CNTN5: variants seen among roughly 807,000 people sequenced by gnomAD.
The protein encoded by CNTN5 is contactin 5, also known as contactin-5.
A neutral mutation model predicts 129.1 loss-of-function variants in CNTN5; 77 were observed. The ratio of observed to expected loss-of-function variants is 0.60; its 90% CI spans 0.50 to 0.72. CNTN5 has a LOEUF of 0.72. Among genes scored for constraint, CNTN5 ranks in the 30% least tolerant of loss-of-function variants. The probability of loss-of-function intolerance (pLI) is 0.00; values close to 1 mark genes in which losing one functional copy is unlikely to be tolerated. For synonymous variants in CNTN5, 509 were observed against 465.6 expected (o/e 1.09, Z -1.20); for missense variants, 1,478 against 1,328.8 (o/e 1.11, Z -1.75).
At chr11:100,054,168 A>T (rs146788478) in intron 9 of CNTN5, among the ~76,000 whole-genome samples, 1 of 151,680 alleles carries the variant, frequency 6.6e-6, no homozygotes, top group South Asian at 2.1e-4. Flanking sequence ...CAAGAGTGAG[A>T]GCAGCACAAA....
chr11:99,461,747 T>G (rs1944706970), intron 2 of CNTN5, among the ~76,000 whole-genome samples: 1 of 152,146 alleles, frequency 6.6e-6, no homozygotes, highest in Non-Finnish European at 1.5e-5. Context: ...TATAAACTCT[T>G]TTCCATGTCT....
rs1409447710 is a variant in CNTN5 at position 99,312,457 on chromosome 11, A to G, written c.-209-12889A>G. Among the ~76,000 whole-genome samples the G allele has an allele frequency of 8.5e-5, 13 of 152,178 alleles. No homozygotes were observed. The South Asian group carries it at 2.5e-3, about 29-fold the overall frequency. On this transcript the variant is annotated intron_variant, in intron 1 of 24. Coordinates refer to ENST00000524871, the MANE Select transcript of CNTN5 (RefSeq NM_014361.4). ...ATATTCAATAATAGTGTTTTACACAATGCATGACCTGCAAGAAATACAATT... is the reference window on the plus strand; with the variant it reads ...ATATTCAATAATAGTGTTTTACACAGTGCATGACCTGCAAGAAATACAATT...
At chr11:99,616,204 G>C (rs534648282) in intron 3 of CNTN5, among the ~76,000 whole-genome samples, 1 of 152,206 alleles carries the variant, frequency 6.6e-6, no homozygotes, top group East Asian at 1.9e-4. Flanking sequence ...AGTCCGCTCT[G>C]TTCCCTCTAC....
chr11:99,573,551 C>T (rs1949247252), intron 3 of CNTN5, among the ~76,000 whole-genome samples: 1 of 150,834 alleles, frequency 6.6e-6, no homozygotes, highest in Admixed American at 6.6e-5. Flanking sequence ...GCCTGGGCGA[C>T]AGACAGAGTG....
intron 3 of CNTN5, among the ~76,000 whole-genome samples, chr11:99,682,649 T>C (rs542410930): frequency 6.6e-6 from 1 of 151,930 alleles, no homozygotes; most frequent in Non-Finnish European, 1.5e-5. Flanking sequence ...AACTCACCTA[T>C]TACAATAAAA....
At chr11:99,207,600 T>G (rs1859548248) in intron 1 of CNTN5, among the ~76,000 whole-genome samples, 1 of 152,200 alleles carries the variant, frequency 6.6e-6, no homozygotes, top group African/African-American at 2.4e-5. Context: ...TGTTTTATAG[T>G]AGATGGATTT....
chr11:99,753,565 A>G (rs1944307922), intron 3 of CNTN5, among the ~76,000 whole-genome samples: 1 of 149,150 alleles, frequency 6.7e-6, no homozygotes, highest in Non-Finnish European at 1.5e-5. Context: ...TTCTGCTTGC[A>G]CTAGTTTATC....
chr11:100,328,480 G>A (rs117948603), intron 21 of CNTN5, among the ~76,000 whole-genome samples: 252 of 152,256 alleles, frequency 1.7e-3, no homozygotes, highest in Non-Finnish European at 2.8e-3. Context: ...CAGGAAGTCC[G>A]GCTGAGGAGG....
chr11:99,723,788 G>A lies in CNTN5; in HGVS notation c.56-95756G>A, dbSNP rs540000286. Among the ~76,000 whole-genome samples, 186 of 143,606 alleles carry A rather than the reference G, an allele frequency of 1.3e-3. 1 individual carries two copies. The highest frequency in any genetic ancestry group is 7.0e-3 in the South Asian group (31 of 4,422). 94.2% of individuals were successfully genotyped at this position (143,606 alleles called of 152,430 possible). A position where few individuals can be genotyped will look rare whatever the true frequency, so the allele number is the denominator to read the frequency against. On this transcript the variant is annotated intron_variant, in intron 3 of 24. Coordinates refer to ENST00000524871, the MANE Select transcript of CNTN5 (RefSeq NM_014361.4). ...TGTGTGTGTGCATGCGTGTGCATGC[G>A]CACGCGTGTGTGTTTTGTTTAAATA...
At chr11:99,236,927 T>G (rs1364988944) in intron 1 of CNTN5, among the ~76,000 whole-genome samples, 1 of 152,156 alleles carries the variant, frequency 6.6e-6, no homozygotes, top group Admixed American at 6.5e-5. Context: ...ATTCCTACAA[T>G]GTATTTTAAT....
At chr11:99,745,266 A>G (rs999354044) in intron 3 of CNTN5, among the ~76,000 whole-genome samples, 13 of 151,812 alleles carry the variant, frequency 8.6e-5, no homozygotes, top group African/African-American at 2.9e-4. Context: ...ATGCTGGAAG[A>G]AAAAAATAAA....
intron 15 of CNTN5, among the ~76,000 whole-genome samples, chr11:100,224,124 A>G (rs7104388): frequency 6.6e-6 from 1 of 152,152 alleles, no homozygotes; most frequent in African/African-American, 2.4e-5. Context: ...GCTGACCCTG[A>G]TCCATGATGG....
At chr11:100,324,505 A>G (rs1280756081) in intron 21 of CNTN5, among the ~76,000 whole-genome samples, 1 of 152,130 alleles carries the variant, frequency 6.6e-6, no homozygotes, top group Non-Finnish European at 1.5e-5. Flanking sequence ...TTCTTTTCTC[A>G]ATTTACAGGT....
chr11:99,671,530 G>T (rs1417041196), intron 3 of CNTN5, among the ~76,000 whole-genome samples: 1 of 152,100 alleles, frequency 6.6e-6, no homozygotes, highest in Non-Finnish European at 1.5e-5. Flanking sequence ...AAGTTCACCT[G>T]ATACATGAAG....
intron 6 of CNTN5, among the ~76,000 whole-genome samples, chr11:99,852,030 T>G (rs530614237): frequency 2.6e-5 from 4 of 152,332 alleles, no homozygotes; most frequent in Non-Finnish European, 4.4e-5. Context: ...AATAACTTTA[T>G]TAAATCATTT....
At chr11:99,469,624 A>C (rs1945093992) in intron 2 of CNTN5, among the ~76,000 whole-genome samples, 1 of 152,160 alleles carries the variant, frequency 6.6e-6, no homozygotes, top group Admixed American at 6.6e-5. Flanking sequence ...GTTTAAACTC[A>C]ATAATAATTT....
At chr11:99,324,755 C>A (rs947641989) in intron 1 of CNTN5, among the ~76,000 whole-genome samples, 12 of 152,076 alleles carry the variant, frequency 7.9e-5, no homozygotes, top group Non-Finnish European at 1.0e-4. Flanking sequence ...CATTCTCCTG[C>A]CTCAGCCTCC....
Position 99,539,354 on chromosome 11 carries a change from A to G in CNTN5, c.-70-16791A>G, listed in dbSNP as rs563003935. On this transcript the variant is annotated intron_variant, in intron 2 of 24. Transcript: ENST00000524871. ...CTATTAAACTGAAACAGTAGACTTT[A>G]AATAAAGATTAGGTCTTATTATTTT... 1.5e-3 allele frequency among the ~76,000 whole-genome samples: 226 copies of G among 152,208 alleles called. 2 individuals are homozygous for G. The highest frequency in any genetic ancestry group is 5.0e-3 in the African/African-American group (209 of 41,566).
chr11:99,384,860 A>T (rs762964702), intron 2 of CNTN5, among the ~76,000 whole-genome samples: 5 of 152,064 alleles, frequency 3.3e-5, no homozygotes, highest in Non-Finnish European at 7.4e-5. Flanking sequence ...CATATCTATC[A>T]CCTCCCATAC....
Sources: gnomAD v4.1 joint callset for allele counts (sites outside exome capture counted in the v4.1 genomes callset) on GRCh38, gnomAD v4.1.1 for gene constraint, MANE v1.5 for transcripts, NCBI Gene and HGNC (gene_info 2026-07-23, HGNC 2026-07-21) for gene names.